The following USH2A variants were observed in gnomAD, a reference collection of about 807,000 sequenced individuals.
USH2A encodes usherin, also known as Usher syndrome 2A (autosomal recessive, mild).
A neutral mutation model predicts 538.9 loss-of-function variants in USH2A; 443 were observed. That is an observed-to-expected ratio of 0.82 (90% confidence interval 0.76 to 0.89). USH2A has a LOEUF of 0.89. USH2A is among the 40% of genes least tolerant of loss of function. The pLI is 0.00. For synonymous variants in USH2A, 2,413 were observed against 2,273.5 expected, an observed-to-expected ratio of 1.06 and a Z score of -1.75; for missense variants, 6,633 against 6,324.8, an observed-to-expected ratio of 1.05 and a Z score of -1.65.
chr1:215,649,672 T>A (rs1034004693), intron 65 of USH2A, among the ~76,000 whole-genome samples: 1 of 152,208 alleles, frequency 6.6e-6, no homozygotes, highest in Non-Finnish European at 1.5e-5. Flanking sequence ...TGAAATTGTG[T>A]TTCAATACCT....
intron 32 of USH2A, among the ~76,000 whole-genome samples, chr1:216,019,242 A>G (rs892758459): frequency 3.3e-5 from 5 of 152,202 alleles, no homozygotes; most frequent in African/African-American, 1.2e-4. Flanking sequence ...GAGTTGGCAA[A>G]AAGACTGTAG....
chr1:215,753,337 T>C (rs976887004), intron 58 of USH2A, among the ~76,000 whole-genome samples: 7 of 151,726 alleles, frequency 4.6e-5, no homozygotes. Context: ...TTATAAATCA[T>C]GCTGCTATAA....
At chr1:216,304,029 A>G (rs1022653078) in intron 9 of USH2A, among the ~76,000 whole-genome samples, 2 of 152,002 alleles carry the variant, frequency 1.3e-5, no homozygotes, top group African/African-American at 4.8e-5. Flanking sequence ...CATTCCTGAT[A>G]GATTAATCAA....
chr1:216,059,658 C>T (rs1482288518), intron 30 of USH2A, among the ~76,000 whole-genome samples: 2 of 152,154 alleles, frequency 1.3e-5, no homozygotes, highest in African/African-American at 4.8e-5. Context: ...CAAGGCTCTA[C>T]CAAGACATTG....
At chr1:216,180,761 A>G (rs1384877426) in intron 20 of USH2A, among the ~76,000 whole-genome samples, 1 of 152,178 alleles carries the variant, frequency 6.6e-6, no homozygotes, top group Non-Finnish European at 1.5e-5. Context: ...AGCAGACTAC[A>G]TAAGACATTC....
At chr1:216,145,934 C>T (rs1028319245) in intron 21 of USH2A, among the ~76,000 whole-genome samples, 4 of 152,180 alleles carry the variant, frequency 2.6e-5, no homozygotes, top group South Asian at 2.1e-4. Flanking sequence ...CGGCCCCACC[C>T]TTATCTCCCT....
At chr1:216,193,103 A>G (rs923019989) in intron 19 of USH2A, among the ~76,000 whole-genome samples, 7 of 152,146 alleles carry the variant, frequency 4.6e-5, no homozygotes, top group African/African-American at 1.7e-4. Context: ...CTACTATAAT[A>G]TAAGTAATAG....
chr1:215,839,131 G>T (rs1438151516), intron 46 of USH2A, among the ~76,000 whole-genome samples: 1 of 152,128 alleles, frequency 6.6e-6, no homozygotes, highest in African/African-American at 2.4e-5. Context: ...ATAGTCTTTT[G>T]AGGTATTAAT....
chr1:216,368,645 A>G (rs2038644651), intron 3 of USH2A, among the ~76,000 whole-genome samples: 1 of 152,232 alleles, frequency 6.6e-6, no homozygotes, highest in Non-Finnish European at 1.5e-5. Context: ...TATGATGACA[A>G]CAAAATACAT....
chr1:215,747,273 T>C (rs1243400993), intron 58 of USH2A, among the ~76,000 whole-genome samples: 1 of 152,104 alleles, frequency 6.6e-6, no homozygotes, highest in Non-Finnish European at 1.5e-5. Context: ...TAATAAAGAG[T>C]TCTATACTAT....
At chr1:215,669,164 C>A (rs2102659577) in intron 64 of USH2A, among the ~76,000 whole-genome samples, 1 of 152,266 alleles carries the variant, frequency 6.6e-6, no homozygotes, top group South Asian at 2.1e-4. Flanking sequence ...ATATATGGGT[C>A]ATTAAGTTGC....
intron 37 of USH2A, among the ~76,000 whole-genome samples, chr1:215,959,167 T>A (rs909397741): frequency 1.3e-5 from 2 of 151,172 alleles, no homozygotes; most frequent in Non-Finnish European, 3.0e-5. Flanking sequence ...GAATTTTTTT[T>A]AAGTTGAGTA....
chr1:216,174,939 T>C (rs879218778), intron 21 of USH2A: 3 of 1,188,530 alleles, frequency 2.5e-6, no homozygotes, highest in South Asian at 3.6e-5. Flanking sequence ...GAGAACACAG[T>C]GAATAATATT....
intron 3 of USH2A, among the ~76,000 whole-genome samples, chr1:216,414,997 T>C (rs945848037): frequency 2.0e-5 from 3 of 152,074 alleles, no homozygotes; most frequent in African/African-American, 4.8e-5. Context: ...AGTTATACAA[T>C]GGAATAGTAA....
At chr1:215,815,400 C>G (rs959967976) in intron 48 of USH2A, among the ~76,000 whole-genome samples, 1 of 102,466 alleles carries the variant, frequency 9.8e-6, no homozygotes, top group Non-Finnish European at 1.9e-5. Flanking sequence ...AAAGGTGACC[C>G]GTATGATTTT....
intron 37 of USH2A, among the ~76,000 whole-genome samples, chr1:215,939,666 T>C (rs1324080913): frequency 2.6e-5 from 4 of 152,114 alleles, no homozygotes; most frequent in Non-Finnish European, 5.9e-5. Flanking sequence ...GAGAATACCA[T>C]CCTATGGGGT....
Position 215,674,918 on chromosome 1 carries a change from A to G in USH2A, c.12993T>C (p.Tyr4331=), listed in dbSNP as rs1220617136. 6.2e-7 allele frequency: 1 copy of G among 1,614,180 alleles called. No homozygotes were observed. The highest frequency in any genetic ancestry group is 2.2e-5 in the East Asian group (1 of 44,880). ...CTCCACTCGTGCAGGCTTGGAGTGC[A>G]TAGCTATAGGTGGAAAAAGGAAGAA... The part of the protein sequence containing the change: ...EELLPFSTYS[Y]ALQACTSGGC... Residue 4331 remains tyrosine, a synonymous_variant, in exon 63 of 72, where the codon TAT becomes TAC. Transcript: ENST00000307340.
At chr1:215,957,880 A>G (rs915159910) in intron 37 of USH2A, among the ~76,000 whole-genome samples, 1 of 152,168 alleles carries the variant, frequency 6.6e-6, no homozygotes, top group Non-Finnish European at 1.5e-5. Context: ...TACAAGCTGT[A>G]CTGCATCACT....
chr1:216,247,367 T>C, intron 12 of USH2A, 141 bp from the exon 13 acceptor site: 1 of 963,864 alleles, frequency 1.0e-6, no homozygotes, highest in Non-Finnish European at 1.5e-6. Flanking sequence ...AGGGGGCCAA[T>C]CTTACTCTCA....
Sources: gnomAD v4.1 joint callset for allele counts (sites outside exome capture counted in the v4.1 genomes callset) on GRCh38, gnomAD v4.1.1 for gene constraint, MANE v1.5 for transcripts, NCBI Gene and HGNC (gene_info 2026-07-23, HGNC 2026-07-21) for gene names.